DPH6: variants seen among roughly 807,000 people sequenced by gnomAD.
DPH6 encodes the protein diphthamine biosynthesis 6, also known as diphthine--ammonia ligase.
In DPH6, 33 loss-of-function variants were observed where a neutral mutation model predicts 38.2. The ratio of observed to expected loss-of-function variants is 0.86; its 90% CI spans 0.65 to 1.15. The LOEUF (loss-of-function observed/expected upper bound fraction) is 1.15, where lower values mean the gene tolerates loss of function less well. DPH6 is among the 50% of genes most tolerant of loss of function. The pLI, the probability that DPH6 is intolerant of heterozygous loss-of-function variation, is 0.00. For missense variants in DPH6, 325 were observed against 320.0 expected, an observed-to-expected ratio of 1.02 and a Z score of -0.12; for synonymous variants, 108 against 103.0, an observed-to-expected ratio of 1.05 and a Z score of -0.30.
chr15:35,538,496 CAA>C, intron 2 of DPH6, 29 bp from the exon 3 acceptor site: 3 of 1,440,100 alleles, frequency 2.1e-6, no homozygotes, highest in Non-Finnish European at 2.8e-6. Flanking sequence ...AAATAATTAG[CAA>C]AAGAGAGTGA....
chr15:35,495,577 CA>C (rs2054538600), intron 3 of DPH6, among the ~76,000 whole-genome samples: 1 of 151,942 alleles, frequency 6.6e-6, no homozygotes, highest in Non-Finnish European at 1.5e-5. Context: ...AAATATTATA[CA>C]AAGGAAATAA....
At chr15:35,198,137 G>GTAT in the DPH6 span, among the ~76,000 whole-genome samples, 22 of 147,028 alleles carry the variant, frequency 1.5e-4, no homozygotes, top group African/African-American at 5.5e-4. Flanking sequence ...TACTCTAGTT[G>GTAT]TTTTTTTTTT....
chr15:35,514,388 A>G (rs2054817022), intron 3 of DPH6, among the ~76,000 whole-genome samples: 1 of 152,156 alleles, frequency 6.6e-6, no homozygotes, highest in African/African-American at 2.4e-5. Context: ...TTAGCCTAAA[A>G]TTAAAATTTA....
rs182831076 is a variant in DPH6 at position 35,471,941 on chromosome 15, T to A, written c.313-17121A>T. On this transcript the variant is annotated intron_variant, in intron 3 of 8. Coordinates refer to ENST00000256538, the MANE Select transcript of DPH6 (RefSeq NM_080650.4). ...CATGAGAAGAATTCAGCTATTTGTG[T>A]GGGCCCTACAATAAATGTAAAGCAT... Among the ~76,000 whole-genome samples the A allele has an allele frequency of 4.1e-5, 6 of 145,354 alleles. No individual in the cohort carries two copies. In the East Asian group the frequency reaches 1.2e-3, roughly 29 times the overall value.
chr15:35,387,719 T>C (rs1336220083), intron 6 of DPH6, among the ~76,000 whole-genome samples: 2 of 152,158 alleles, frequency 1.3e-5, no homozygotes, highest in Non-Finnish European at 2.9e-5. Flanking sequence ...CTGAAGTTGC[T>C]TATCAGCTTA....
intron 3 of DPH6, among the ~76,000 whole-genome samples, chr15:35,359,525 C>T (rs1319033527): frequency 6.6e-6 from 1 of 152,184 alleles, no homozygotes; most frequent in East Asian, 1.9e-4. Flanking sequence ...TGCTAGAGGA[C>T]CCAGTGAGCT....
rs1208335586 is a variant in DPH6 at position 35,371,051 on chromosome 15, T to G, written c.*1099A>C. ...ATACATGACAAGATACAGAGAAACC[T>G]AAATGCATATTAATACATGAAAGAA... On this transcript the variant is annotated 3_prime_UTR_variant, in exon 9 of 9. Coordinates refer to ENST00000256538, the MANE Select transcript of DPH6 (RefSeq NM_080650.4). 4.6e-5 allele frequency: 7 copies of G among 151,480 alleles called. No individual in the cohort carries two copies. Among genetic ancestry groups the G allele is most frequent in the Admixed American group, 4.6e-4 (7 of 15,166 alleles). The allele number at this position is 151,480 out of a possible 1,614,324, so 9.4% of individuals were successfully genotyped here. A position where few individuals can be genotyped will look rare whatever the true frequency, so the allele number is the denominator to read the frequency against.
chr15:35,246,701 T>C (rs867344203), intron 3 of DPH6, among the ~76,000 whole-genome samples: 1 of 152,214 alleles, frequency 6.6e-6, no homozygotes, highest in Non-Finnish European at 1.5e-5. Flanking sequence ...TTAATGAGAA[T>C]TGGTAATGAG....
intron 3 of DPH6, among the ~76,000 whole-genome samples, chr15:35,318,057 T>C (rs1489674798): frequency 2.0e-5 from 3 of 152,030 alleles, no homozygotes; most frequent in South Asian, 4.2e-4. Context: ...AACACAAATA[T>C]ATCAGTAAGT....
At chr15:35,431,503 T>C (rs1271797235) in intron 5 of DPH6, among the ~76,000 whole-genome samples, 1 of 152,042 alleles carries the variant, frequency 6.6e-6, no homozygotes, top group African/African-American at 2.4e-5. Context: ...AGTTAAGCCA[T>C]AATCAAATAA....
the DPH6 span, among the ~76,000 whole-genome samples, chr15:35,211,628 C>T: frequency 4.6e-5 from 7 of 152,132 alleles, no homozygotes; most frequent in Admixed American, 1.3e-4. Context: ...AAGAGAAATT[C>T]AAAGCATGTT....
At chr15:35,434,600 G>A (rs1372457479) in intron 5 of DPH6, among the ~76,000 whole-genome samples, 3 of 151,984 alleles carry the variant, frequency 2.0e-5, no homozygotes, top group Non-Finnish European at 2.9e-5. Flanking sequence ...GTATATGCAC[G>A]CACACACACA....
intron 3 of DPH6, among the ~76,000 whole-genome samples, chr15:35,313,234 A>C (rs2052159493): frequency 6.6e-6 from 1 of 151,978 alleles, no homozygotes; most frequent in South Asian, 2.1e-4. Flanking sequence ...CTCAGTTTAA[A>C]AAAAAATTTT....
At chr15:35,299,410 T>C (rs1485567487) in intron 3 of DPH6, 1 of 796,306 alleles carries the variant, frequency 1.3e-6, no homozygotes, top group Admixed American at 1.7e-5. Context: ...TGTTTTTGAG[T>C]CACTGGTTTC....
At chr15:35,507,090 T>A (rs1489265005) in intron 3 of DPH6, among the ~76,000 whole-genome samples, 6 of 152,090 alleles carry the variant, frequency 3.9e-5, no homozygotes, top group African/African-American at 1.4e-4. Context: ...TACTTTCTTA[T>A]GAACACAGAC....
In DPH6 at chr15:35,276,800, T is replaced by A. The variant is rs191598320; in HGVS notation, n.201-56218A>T. On this transcript the variant is annotated intron_variant and non_coding_transcript_variant, in intron 3 of 3. Coordinates refer to the DPH6 transcript ENST00000560386. ...TTCCATTGGTCTATGTGCCTATTTT[T>A]ATACAGTACCATGCTGTTTTGGTGA... Among the ~76,000 whole-genome samples, 225 of 152,328 alleles carry A rather than the reference T, an allele frequency of 1.5e-3. 1 individual carries two copies. Among genetic ancestry groups the A allele is most frequent in the Admixed American group, 3.4e-3 (52 of 15,296 alleles).
At chr15:35,352,595 A>G (rs529493279) in intron 3 of DPH6, among the ~76,000 whole-genome samples, 82 of 152,256 alleles carry the variant, frequency 5.4e-4, no homozygotes, top group African/African-American at 1.9e-3. Context: ...CCGTGTCCCT[A>G]CAAAGGACAT....
At chr15:35,492,959 A>G (rs1181879565) in intron 3 of DPH6, among the ~76,000 whole-genome samples, 1 of 152,212 alleles carries the variant, frequency 6.6e-6, no homozygotes, top group Non-Finnish European at 1.5e-5. Flanking sequence ...AGAATGTTAC[A>G]AATATACAGC....
At chr15:35,373,864 T>A (rs1481673326) in intron 7 of DPH6, among the ~76,000 whole-genome samples, 1 of 152,072 alleles carries the variant, frequency 6.6e-6, no homozygotes, top group East Asian at 1.9e-4. Context: ...TCAGGTTCAC[T>A]CAAAGCTCTC....
Sources: allele counts gnomAD v4.1 joint callset (sites outside exome capture counted in the v4.1 genomes callset), GRCh38; gene constraint gnomAD v4.1.1; transcripts MANE v1.5; gene names NCBI Gene and HGNC (gene_info 2026-07-23, HGNC 2026-07-21).